SLC4A7: variants seen among roughly 807,000 people sequenced by gnomAD.
The protein encoded by SLC4A7 is solute carrier family 4 member 7.
Under a neutral mutation model 137.6 loss-of-function variants are expected in SLC4A7, and 51 were observed. That is an observed-to-expected ratio of 0.37 (90% CI 0.30 to 0.47). The LOEUF (loss-of-function observed/expected upper bound fraction) is 0.47, where lower values mean the gene tolerates loss of function less well. Among genes scored for constraint, SLC4A7 ranks in the 20% least tolerant of loss-of-function variants. The pLI, the probability that SLC4A7 is intolerant of heterozygous loss-of-function variation, is 1.00. For synonymous variants in SLC4A7, 542 were observed against 518.6 expected, an observed-to-expected ratio of 1.05 and a Z score of -0.61; for missense variants, 1,247 against 1,525.4, an observed-to-expected ratio of 0.82 and a Z score of 3.04.
At chr3:27,482,689 T>C (rs974554103) in intron 1 of SLC4A7, among the ~76,000 whole-genome samples, 9 of 152,118 alleles carry the variant, frequency 5.9e-5, no homozygotes, top group Non-Finnish European at 1.3e-4. Flanking sequence ...GGAGAATCGG[T>C]TGAACCTGGG....
chr3:27,379,875 A>G (rs1443928909), intron 24 of SLC4A7, among the ~76,000 whole-genome samples: 2 of 152,236 alleles, frequency 1.3e-5, no homozygotes, highest in Admixed American at 6.5e-5. Context: ...GCTTGGAAAG[A>G]TAACACTCTG....
chr3:27,437,836 C>T (rs999268808), intron 3 of SLC4A7, among the ~76,000 whole-genome samples: 6 of 152,060 alleles, frequency 3.9e-5, no homozygotes, highest in Admixed American at 3.9e-4. Flanking sequence ...AAAACATGAA[C>T]ATAATGCTCA....
intron 1 of SLC4A7, among the ~76,000 whole-genome samples, chr3:27,456,143 A>G (rs544601555): frequency 6.6e-6 from 1 of 152,324 alleles, no homozygotes; most frequent in East Asian, 1.9e-4. Context: ...GTTAAAAGAC[A>G]CCTTTAAAAT....
Position 27,484,294 on chromosome 3 carries a change from G to T in SLC4A7, c.-168C>A. The T allele has an allele frequency of 2.4e-6, 1 of 412,490 alleles. No homozygotes were observed. Among genetic ancestry groups the T allele is most frequent in the Non-Finnish European group, 4.0e-6 (1 of 251,070 alleles). 25.6% of individuals were successfully genotyped at this position (412,490 alleles called of 1,614,324 possible). ...TGGGGAGAGCCGGGCGCCGGGCGCGGGAGACGCGGGGCGTGCGTGTGCGCG... is the reference window on the plus strand; with the variant it reads ...TGGGGAGAGCCGGGCGCCGGGCGCGTGAGACGCGGGGCGTGCGTGTGCGCG... On this transcript the variant is annotated 5_prime_UTR_variant, in exon 1 of 26. Coordinates refer to ENST00000454389, the MANE Select transcript of SLC4A7 (RefSeq NM_001321103.2).
intron 22 of SLC4A7, among the ~76,000 whole-genome samples, chr3:27,388,529 C>T (rs1387688049): frequency 6.6e-6 from 1 of 152,148 alleles, no homozygotes; most frequent in African/African-American, 2.4e-5. Context: ...TGCAACTGGG[C>T]TATACACAAA....
In SLC4A7 at chr3:27,388,431, A is replaced by G. The variant is rs541319272; in HGVS notation, c.3360+1500T>C. ...TAGAATAATTCAAGAGGGTACTGTA[A>G]TTATCTGTTCTTTAAAATTAAGCTT... is the stretch of plus-strand genomic sequence containing the variant. On this transcript the variant is annotated intron_variant, in intron 22 of 25. Coordinates refer to ENST00000454389, the MANE Select transcript of SLC4A7 (RefSeq NM_001321103.2). 5.5e-4 allele frequency among the ~76,000 whole-genome samples: 83 copies of G among 152,194 alleles called. 3 individuals are homozygous for G. In the South Asian group the frequency reaches 0.016, roughly 30 times the overall value.
intron 23 of SLC4A7, among the ~76,000 whole-genome samples, chr3:27,385,509 A>G: frequency 6.6e-6 from 1 of 152,226 alleles, no homozygotes; most frequent in South Asian, 2.1e-4. Context: ...AAATGTATTT[A>G]AAGTTTTCTC....
Position 27,373,823 on chromosome 3 carries a change from T to C in SLC4A7, c.*2941A>G, listed in dbSNP as rs531129905. 1.3e-5 allele frequency: 2 copies of C among 152,556 alleles called. No homozygotes were observed. The highest frequency in any genetic ancestry group is 2.9e-5 in the Non-Finnish European group (2 of 67,970). 9.5% of individuals were successfully genotyped at this position (152,556 alleles called of 1,614,324 possible). On this transcript the variant is annotated 3_prime_UTR_variant, in exon 26 of 26. Coordinates refer to ENST00000454389, the MANE Select transcript of SLC4A7 (RefSeq NM_001321103.2). ...AATTTTGAGTGGTAAACAAATCTGG[T>C]TTACAAATACATGCATTAGCACATA...
intron 3 of SLC4A7, among the ~76,000 whole-genome samples, chr3:27,444,416 C>T (rs768849784): frequency 3.3e-5 from 5 of 152,154 alleles, no homozygotes; most frequent in Non-Finnish European, 7.3e-5. Flanking sequence ...CTGATATCCT[C>T]CTTTCTGGGA....
At chr3:27,417,861 G>A (rs2054545918) in intron 11 of SLC4A7, among the ~76,000 whole-genome samples, 1 of 152,160 alleles carries the variant, frequency 6.6e-6, no homozygotes, top group Admixed American at 6.5e-5. Flanking sequence ...TGTCGGTGAG[G>A]ATGCAGGGAA....
intron 23 of SLC4A7, among the ~76,000 whole-genome samples, chr3:27,385,409 A>C (rs2050834319): frequency 6.6e-6 from 1 of 152,182 alleles, no homozygotes; most frequent in Admixed American, 6.5e-5. Flanking sequence ...TACTTTTTAA[A>C]AAAGATAATT....
chr3:27,458,853 A>G (rs34611823), intron 1 of SLC4A7, among the ~76,000 whole-genome samples: 32,506 of 152,074 alleles, frequency 0.21, 3,557 homozygotes, highest in Non-Finnish European at 0.25. Context: ...AGCCAGGCAC[A>G]GTGGTGCCCA....
chr3:27,469,327 A>T (rs1339100687), intron 1 of SLC4A7, among the ~76,000 whole-genome samples: 1 of 152,144 alleles, frequency 6.6e-6, no homozygotes, highest in Admixed American at 6.6e-5. Context: ...CACTACCTGG[A>T]GATAGTGTTA....
intron 10 of SLC4A7, among the ~76,000 whole-genome samples, chr3:27,419,660 A>G (rs901083232): frequency 2.6e-5 from 4 of 151,620 alleles, no homozygotes; most frequent in Middle Eastern, 6.8e-3. Flanking sequence ...AAATTTCACT[A>G]TATGATAGGA....
intron 20 of SLC4A7, among the ~76,000 whole-genome samples, chr3:27,393,724 A>C (rs1325986911): frequency 1.3e-5 from 2 of 152,170 alleles, no homozygotes; most frequent in African/African-American, 4.8e-5. Context: ...AAATTTCTAT[A>C]ATCTAACTTA....
chr3:27,416,701 A>G (rs1377271091), intron 11 of SLC4A7, among the ~76,000 whole-genome samples: 1 of 152,228 alleles, frequency 6.6e-6, no homozygotes, highest in Non-Finnish European at 1.5e-5. Flanking sequence ...GCACATAAAA[A>G]ATAACAAATA....
chr3:27,415,399 G>C (rs900538603), intron 11 of SLC4A7, among the ~76,000 whole-genome samples: 2 of 152,178 alleles, frequency 1.3e-5, no homozygotes, highest in African/African-American at 4.8e-5. Context: ...CAGCTTTATA[G>C]AGAAGGGTAG....
Position 27,437,412 on chromosome 3 carries a change from T to G in SLC4A7, c.404A>C (p.Glu135Ala). 1 of 1,589,404 alleles carries G rather than the reference T, an allele frequency of 6.3e-7. No individual in the cohort carries two copies. The highest frequency in any genetic ancestry group is 8.5e-7 in the Non-Finnish European group (1 of 1,170,078). Residue 135 changes from glutamate (E) to alanine (A), a missense_variant, in exon 4 of 26, where the codon GAA (glutamate) becomes GCA (alanine). This residue lies in a region of SLC4A7 where 176 missense variants were observed against 186.4 expected (regional missense o/e 0.94). Transcript: ENST00000454389. ...MDELCYRDGE[E>A]YEWKETARWL... is the part of the protein sequence containing the mutation. ...CCTAGCAGTTTCTTTCCATTCATAT[T>G]CTTCTCCATCTCTGTAACACAGTTC...
intron 1 of SLC4A7, among the ~76,000 whole-genome samples, chr3:27,480,766 G>C (rs1028658651): frequency 6.6e-6 from 1 of 151,996 alleles, no homozygotes; most frequent in South Asian, 2.1e-4. Flanking sequence ...TGGGTTGTCC[G>C]GGTCTGTCAT....
Sources: gnomAD v4.1 joint callset for allele counts (sites outside exome capture counted in the v4.1 genomes callset) on GRCh38, gnomAD v4.1.1 for gene constraint, gnomAD v4.1.1 regional missense constraint, MANE v1.5 for transcripts, NCBI Gene and HGNC (gene_info 2026-07-23, HGNC 2026-07-21) for gene names.